SCAI: variants seen among roughly 807,000 people sequenced by gnomAD.
The protein encoded by SCAI is protein SCAI.
In SCAI, 24 loss-of-function variants were observed where a neutral mutation model predicts 92.2. That is an observed-to-expected ratio of 0.26 (90% CI 0.19 to 0.37). SCAI has a LOEUF of 0.37. Among genes scored for constraint, SCAI ranks in the 10% least tolerant of loss-of-function variants. The pLI, the probability that SCAI is intolerant of heterozygous loss-of-function variation, is 1.00. For synonymous variants in SCAI, 261 were observed against 258.6 expected, an observed-to-expected ratio of 1.01 and a Z score of -0.09; for missense variants, 450 against 736.2, an observed-to-expected ratio of 0.61 and a Z score of 4.50.
chr9:125,019,750 C>G, intron 7 of SCAI, among the ~76,000 whole-genome samples: 1 of 151,916 alleles, frequency 6.6e-6, no homozygotes, highest in East Asian at 1.9e-4. Context: ...AAAAGGAGAA[C>G]AGAGAGCTAC....
intron 2 of SCAI, among the ~76,000 whole-genome samples, chr9:125,094,654 A>C (rs1190968145): frequency 1.3e-5 from 2 of 152,024 alleles, no homozygotes; most frequent in Non-Finnish European, 2.9e-5. Flanking sequence ...GGCTCACACC[A>C]CCACGCCCAG....
At chr9:124,961,029 CAGG>C (rs1831424859) in intron 17 of SCAI, among the ~76,000 whole-genome samples, 1 of 151,388 alleles carries the variant, frequency 6.6e-6, no homozygotes, top group Non-Finnish European at 1.5e-5. Context: ...AGGCTAGAAG[CAGG>C]AGGACTGCTT....
chr9:125,039,910 A>G (rs1256273838), intron 3 of SCAI, among the ~76,000 whole-genome samples: 1 of 152,226 alleles, frequency 6.6e-6, no homozygotes, highest in Non-Finnish European at 1.5e-5. Context: ...CAAACAATCT[A>G]TCACAGAGAC....
intron 2 of SCAI, among the ~76,000 whole-genome samples, chr9:125,079,457 G>T (rs989215592): frequency 2.0e-5 from 3 of 152,180 alleles, no homozygotes; most frequent in African/African-American, 7.2e-5. Context: ...ATAACTGGAA[G>T]TTGGTTGTAC....
chr9:125,063,582 TAAGTCA>T (rs1833818746), intron 2 of SCAI, among the ~76,000 whole-genome samples: 1 of 151,952 alleles, frequency 6.6e-6, no homozygotes, highest in Non-Finnish European at 1.5e-5. Flanking sequence ...GAAAAGGTTG[TAAGTCA>T]AAGTATGGAA....
chr9:125,088,917 G>C (rs553178434), intron 2 of SCAI, among the ~76,000 whole-genome samples: 9 of 152,156 alleles, frequency 5.9e-5, no homozygotes, highest in African/African-American at 1.7e-4. Context: ...GTGTTTAGCG[G>C]CATCCCTCGC....
At chr9:125,018,694 C>T (rs980764117) in intron 9 of SCAI, 105 bp downstream of exon 9, 22 of 976,364 alleles carry the variant, frequency 2.3e-5, no homozygotes, top group Non-Finnish European at 3.0e-5. Flanking sequence ...CAGCAATTTC[C>T]TCACAAGAGG....
At chr9:125,086,785 A>G (rs1349159994) in intron 2 of SCAI, among the ~76,000 whole-genome samples, 2 of 152,202 alleles carry the variant, frequency 1.3e-5, no homozygotes, top group African/African-American at 4.8e-5. Flanking sequence ...GCCACTTACT[A>G]TTCAAATACA....
chr9:124,982,859 G>A (rs968215843), intron 14 of SCAI, among the ~76,000 whole-genome samples: 4 of 151,954 alleles, frequency 2.6e-5, no homozygotes, highest in Non-Finnish European at 5.9e-5. Context: ...TTTAACTGGG[G>A]TTTAAAATAT....
chr9:125,109,087 C>A (rs1375446657), intron 2 of SCAI, among the ~76,000 whole-genome samples: 2 of 152,230 alleles, frequency 1.3e-5, no homozygotes, highest in Non-Finnish European at 2.9e-5. Flanking sequence ...GAAACATGTG[C>A]TGTGTCCACT....
rs1834010043 is a variant in SCAI at position 125,073,092 on chromosome 9, A to ATATTTTTTTT, written c.99-17086_99-17085insAAAAAAAATA. On this transcript the variant is annotated intron_variant, in intron 2 of 17. Transcript: ENST00000336505. ...GGATCATATGAGGATTCTATTTTTA[A>ATATTTTTTTT]TTTTTTTTTTTTTTTTTTTTTTTTT... Among the ~76,000 whole-genome samples, 11 of 72,480 alleles carry ATATTTTTTTT rather than the reference A, an allele frequency of 1.5e-4. No individual in the cohort carries two copies. In the South Asian group the frequency reaches 5.5e-3, roughly 37 times the overall value. 47.5% of individuals were successfully genotyped at this position (72,480 alleles called of 152,430 possible). A position where few individuals can be genotyped will look rare whatever the true frequency, so the allele number is the denominator to read the frequency against.
chr9:125,143,371 C>T lies in SCAI; in HGVS notation c.53+14G>A. 1 of 1,351,638 alleles carries T rather than the reference C, an allele frequency of 7.4e-7. No homozygotes were observed. Among genetic ancestry groups the T allele is most frequent in the South Asian group, 1.8e-5 (1 of 57,078 alleles). 83.7% of individuals were successfully genotyped at this position (1,351,638 alleles called of 1,614,324 possible). A position where few individuals can be genotyped will look rare whatever the true frequency, so the allele number is the denominator to read the frequency against. ...ACCCCATCCCCAACCCCGGCCTCCA[C>T]CCAGCCCCCGCACCTGGGGGCCAGG... is the stretch of plus-strand genomic sequence containing the variant. On this transcript the variant is annotated intron_variant, in intron 1 of 17. Coordinates refer to ENST00000336505, the MANE Select transcript of SCAI (RefSeq NM_001144877.3).
intron 14 of SCAI, among the ~76,000 whole-genome samples, chr9:124,983,433 C>T (rs1412768279): frequency 6.6e-6 from 1 of 152,168 alleles, no homozygotes; most frequent in Admixed American, 6.5e-5. Flanking sequence ...CTCACTGCAA[C>T]CACCACCTCC....
intron 2 of SCAI, among the ~76,000 whole-genome samples, chr9:125,059,708 T>C (rs1474449576): frequency 6.6e-6 from 1 of 152,182 alleles, no homozygotes; most frequent in Non-Finnish European, 1.5e-5. Flanking sequence ...AGAAAATTTA[T>C]CCTGAGGTTA....
chr9:125,038,738 T>C (rs1833253316), intron 3 of SCAI, among the ~76,000 whole-genome samples: 1 of 152,236 alleles, frequency 6.6e-6, no homozygotes, highest in African/African-American at 2.4e-5. Context: ...ACTAGCTAAA[T>C]GTTTTGAAGT....
intron 2 of SCAI, among the ~76,000 whole-genome samples, chr9:125,098,770 T>C (rs911970631): frequency 6.6e-5 from 10 of 152,226 alleles, no homozygotes; most frequent in Non-Finnish European, 2.9e-5. Context: ...AAACTTTCAG[T>C]CTGTCTGAGG....
intron 2 of SCAI, among the ~76,000 whole-genome samples, chr9:125,090,470 T>G (rs1444881303): frequency 6.7e-6 from 1 of 149,038 alleles, no homozygotes; most frequent in Non-Finnish European, 1.5e-5. Context: ...GGAAGGAGGA[T>G]GATGAAGAAG....
Position 124,951,971 on chromosome 9 carries a change from ACT to A in SCAI, c.*834_*835del, listed in dbSNP as rs1831241271. ...AATTTGAATGAGGCAAAAAATTAAA[ACT>A]TTATGTCACAGACATCAATCCAGTC... On this transcript the variant is annotated 3_prime_UTR_variant, in exon 18 of 18. Transcript: ENST00000336505. 1 of 152,222 alleles carries A rather than the reference ACT, an allele frequency of 6.6e-6. No homozygotes were observed. The highest frequency in any genetic ancestry group is 1.5e-5 in the Non-Finnish European group (1 of 68,016). The allele number at this position is 152,222 out of a possible 1,614,324, so 9.4% of individuals were successfully genotyped here.
chr9:125,070,820 A>G (rs1393718117), intron 2 of SCAI, among the ~76,000 whole-genome samples: 3 of 152,200 alleles, frequency 2.0e-5, no homozygotes, highest in Non-Finnish European at 4.4e-5. Flanking sequence ...CTTGAGGCCA[A>G]GAGTTCAAGA....
Sources: allele counts gnomAD v4.1 joint callset (sites outside exome capture counted in the v4.1 genomes callset), GRCh38; gene constraint gnomAD v4.1.1; transcripts MANE v1.5; gene names NCBI Gene and HGNC (gene_info 2026-07-23, HGNC 2026-07-21).